MAGI1: variants seen among roughly 807,000 people sequenced by gnomAD.
The protein encoded by MAGI1 is membrane-associated guanylate kinase, WW and PDZ domain-containing protein 1.
MAGI1 carries 58 observed loss-of-function variants against 139.9 expected under a neutral mutation model. The observed-to-expected ratio is 0.41, with a 90% CI of 0.34 to 0.52. The LOEUF (loss-of-function observed/expected upper bound fraction) is 0.52, where lower values mean the gene tolerates loss of function less well. Ranked by LOEUF, MAGI1 falls within the 20% of genes least tolerant of loss-of-function variation. The pLI, the probability that MAGI1 is intolerant of heterozygous loss-of-function variation, is 0.12. For synonymous variants in MAGI1, 812 were observed against 737.9 expected (o/e 1.10, Z -1.63); for missense variants, 1,874 against 1,901.6 (o/e 0.99, Z 0.27).
intron 1 of MAGI1, among the ~76,000 whole-genome samples, chr3:65,648,291 G>A (rs901695868): frequency 2.2e-4 from 4 of 18,600 alleles, no homozygotes; most frequent in South Asian, 7.8e-4. Context: ...ACTACAGGCC[G>A]TGTGTGTGTG....
chr3:65,973,231 T>C (rs1014083577), intron 1 of MAGI1, among the ~76,000 whole-genome samples: 1 of 152,192 alleles, frequency 6.6e-6, no homozygotes. Context: ...AGGTGCCCCC[T>C]ATTCTCACTC....
chr3:65,923,084 G>T (rs2062300393), intron 1 of MAGI1, among the ~76,000 whole-genome samples: 1 of 152,122 alleles, frequency 6.6e-6, no homozygotes, highest in Admixed American at 6.6e-5. Flanking sequence ...CCTGCAATTT[G>T]ACTCCAAGAT....
chr3:65,627,600 C>T (rs971372957), intron 1 of MAGI1, among the ~76,000 whole-genome samples: 6 of 138,632 alleles, frequency 4.3e-5, no homozygotes, highest in Admixed American at 8.0e-5. Context: ...TTCCGCCTCC[C>T]GGGTTCACGC....
intron 2 of MAGI1, among the ~76,000 whole-genome samples, chr3:65,595,651 A>C (rs2106785629): frequency 6.6e-6 from 1 of 152,328 alleles, no homozygotes; most frequent in South Asian, 2.1e-4. Context: ...TAAAAAGAAT[A>C]ACGGACCGAT....
At chr3:65,579,064 T>C (rs2081305907) in intron 2 of MAGI1, among the ~76,000 whole-genome samples, 1 of 151,958 alleles carries the variant, frequency 6.6e-6, no homozygotes, top group Non-Finnish European at 1.5e-5. Flanking sequence ...GCACTGAGCC[T>C]CCCAAAGCAG....
At chr3:65,417,704 T>A (rs1255913217) in intron 12 of MAGI1, among the ~76,000 whole-genome samples, 3 of 152,084 alleles carry the variant, frequency 2.0e-5, no homozygotes, top group African/African-American at 7.2e-5. Flanking sequence ...CAAACTCAGG[T>A]GATTTGTGGG....
Position 65,779,341 on chromosome 3 carries a change from C to T in MAGI1, c.314-157253G>A, listed in dbSNP as rs117075639. Among the ~76,000 whole-genome samples the T allele has an allele frequency of 1.7e-4, 26 of 152,292 alleles. No individual in the cohort carries two copies. The East Asian group carries it at 5.0e-3, about 29-fold the overall frequency. The stretch of plus-strand genomic sequence containing the variant: ...GTCTCAAGAGAACACAAGCAAGTCC[C>T]AAATTTGCTTCTGGAAGGGCTCAGC... On this transcript the variant is annotated intron_variant, in intron 1 of 22. Coordinates refer to ENST00000402939, the MANE Select transcript of MAGI1 (RefSeq NM_001033057.2).
chr3:65,664,441 T>TA (rs2086385059), intron 1 of MAGI1, among the ~76,000 whole-genome samples: 1 of 152,170 alleles, frequency 6.6e-6, no homozygotes, highest in Non-Finnish European at 1.5e-5. Context: ...CCCTACAAGG[T>TA]AGCTTCTGAT....
chr3:65,382,165 T>C (rs1020110382), intron 15 of MAGI1, 96 bp from the exon 16 acceptor site: 7 of 1,057,024 alleles, frequency 6.6e-6, no homozygotes, highest in Non-Finnish European at 9.7e-6. Context: ...CATTCATTCA[T>C]GTCTGCAGGC....
chr3:65,993,122 T>C (rs190788191), intron 1 of MAGI1, among the ~76,000 whole-genome samples: 1 of 152,190 alleles, frequency 6.6e-6, no homozygotes, highest in East Asian at 1.9e-4. Flanking sequence ...CCTGGCTTCA[T>C]TACAGCTTTA....
At chr3:65,925,121 T>C (rs1415773370) in intron 1 of MAGI1, 1 of 152,186 alleles carries the variant, frequency 6.6e-6, no homozygotes, top group East Asian at 1.9e-4. Context: ...CCTCGTCTAC[T>C]TCCATTGCTC....
chr3:65,790,576 A>G (rs1282203318), intron 1 of MAGI1, among the ~76,000 whole-genome samples: 1 of 152,218 alleles, frequency 6.6e-6, no homozygotes, highest in Non-Finnish European at 1.5e-5. Flanking sequence ...TTTTTCCTAC[A>G]ACACAGAGTT....
At chr3:65,932,873 A>G (rs2062867999) in intron 1 of MAGI1, among the ~76,000 whole-genome samples, 1 of 152,208 alleles carries the variant, frequency 6.6e-6, no homozygotes, top group African/African-American at 2.4e-5. Context: ...ACTTGCAACC[A>G]AAGCTGATTC....
chr3:65,650,630 A>C (rs771510320), intron 1 of MAGI1, among the ~76,000 whole-genome samples: 6 of 152,174 alleles, frequency 3.9e-5, no homozygotes, highest in Non-Finnish European at 7.3e-5. Flanking sequence ...CAGAACTGTG[A>C]GAGAATAAAT....
chr3:65,734,828 G>A (rs956996107), intron 1 of MAGI1, among the ~76,000 whole-genome samples: 2 of 149,538 alleles, frequency 1.3e-5, no homozygotes, highest in African/African-American at 4.9e-5. Context: ...TAAACAGCAG[G>A]AGGGGAGGAC....
In MAGI1 at chr3:65,487,890, C is replaced by T. The variant is rs188477969; in HGVS notation, c.550+5622G>A. On this transcript the variant is annotated intron_variant, in intron 3 of 22. Transcript: ENST00000402939. ...CCTTTCAGAAGCTTTTATTCTAAAACTGAAGCCACCAGCCATGTGTGGCTA... is the reference window on the plus strand; with the variant it reads ...CCTTTCAGAAGCTTTTATTCTAAAATTGAAGCCACCAGCCATGTGTGGCTA... Among the ~76,000 whole-genome samples, 435 of 152,344 alleles carry T rather than the reference C, an allele frequency of 2.9e-3. 3 individuals carry two copies. The highest frequency in any genetic ancestry group is 0.01 in the African/African-American group (421 of 41,578).
At chr3:65,360,973 G>A (rs1940797229) in intron 22 of MAGI1, 1 of 1,432,800 alleles carries the variant, frequency 7.0e-7, no homozygotes, top group African/African-American at 1.4e-5. Flanking sequence ...CAGAAAGGGG[G>A]CTATAAAGAT....
chr3:65,926,368 T>TCTCTCA (rs980352774), intron 1 of MAGI1, among the ~76,000 whole-genome samples: 10 of 147,658 alleles, frequency 6.8e-5, no homozygotes, highest in Non-Finnish European at 1.0e-4. Flanking sequence ...TCTCTCTCTC[T>TCTCTCA]CCCTCTTTCC....
chr3:65,937,548 C>G (rs572801153), intron 1 of MAGI1, among the ~76,000 whole-genome samples: 1 of 152,158 alleles, frequency 6.6e-6, no homozygotes, highest in Non-Finnish European at 1.5e-5. Context: ...CCACAGGCAC[C>G]GGCAGCCTCT....
Sources: gnomAD v4.1 joint callset for allele counts (sites outside exome capture counted in the v4.1 genomes callset) on GRCh38, gnomAD v4.1.1 for gene constraint, MANE v1.5 for transcripts, NCBI Gene and HGNC (gene_info 2026-07-23, HGNC 2026-07-21) for gene names.